PCDHA9: variants seen among roughly 807,000 people sequenced by gnomAD.
PCDHA9 encodes protocadherin alpha-9.
In PCDHA9, 62 loss-of-function variants were observed where a neutral mutation model predicts 62.0. The ratio of observed to expected loss-of-function variants is 1.00; its 90% CI spans 0.81 to 1.23. The LOEUF is 1.23. Ranked by LOEUF, PCDHA9 falls within the 50% of genes most tolerant of loss-of-function variation. PCDHA9 has a pLI of 0.00. For missense variants in PCDHA9, 1,205 were observed against 1,249.8 expected, an observed-to-expected ratio of 0.96 and a Z score of 0.54; for synonymous variants, 557 against 567.6, an observed-to-expected ratio of 0.98 and a Z score of 0.27.
chr5:140,887,196 A>T (rs180902279), intron 1 of PCDHA9, among the ~76,000 whole-genome samples: 49 of 151,316 alleles, frequency 3.2e-4, no homozygotes, highest in African/African-American at 1.1e-3. Context: ...TCCCGGGTTC[A>T]CGCCATTCTC....
intron 3 of PCDHA9, among the ~76,000 whole-genome samples, chr5:140,995,405 T>G (rs1203404732): frequency 2.6e-5 from 4 of 152,154 alleles, no homozygotes; most frequent in African/African-American, 9.7e-5. Context: ...TGGCTCGAGA[T>G]TTCATCACAT....
intron 1 of PCDHA9, among the ~76,000 whole-genome samples, chr5:140,954,516 G>C (rs782233597): frequency 3.3e-5 from 5 of 152,172 alleles, no homozygotes; most frequent in Admixed American, 6.5e-5. Flanking sequence ...TTTACCTAAT[G>C]ATCAGTGATG....
intron 3 of PCDHA9, among the ~76,000 whole-genome samples, chr5:140,987,370 A>G (rs183202119): frequency 5.2e-4 from 79 of 152,328 alleles, no homozygotes; most frequent in East Asian, 3.9e-4. Context: ...TTATATCATT[A>G]CAGGGTCAGA....
intron 1 of PCDHA9, chr5:140,967,239 G>A: frequency 1.9e-6 from 3 of 1,613,672 alleles, no homozygotes; most frequent in Non-Finnish European, 2.5e-6. Context: ...CTTCAGGTAA[G>A]CGAATCGGTG....
At chr5:140,926,788 G>A in intron 1 of PCDHA9, 26 of 1,427,398 alleles carry the variant, frequency 1.8e-5, no homozygotes, top group Non-Finnish European at 2.4e-5. Flanking sequence ...ACGGCCGGCA[G>A]GAGCGTGCTC....
chr5:140,930,985 A>G (rs2087229279), intron 1 of PCDHA9, among the ~76,000 whole-genome samples: 1 of 152,110 alleles, frequency 6.6e-6, no homozygotes, highest in Non-Finnish European at 1.5e-5. Context: ...TTTCTTCCTC[A>G]TGACCTACAC....
rs782184518 is a variant in PCDHA9 at position 140,875,731 on chromosome 5, A to G, written c.2394+24842A>G. On this transcript the variant is annotated intron_variant, in intron 1 of 3. Transcript: ENST00000532602. ...TCTGCAGAATGGCATTTTGTTTGTG[A>G]ATTCTCGGATCGACCGCGAGAAGCT... The G allele has an allele frequency of 1.2e-6, 2 of 1,614,032 alleles. No individual in the cohort carries two copies. Among genetic ancestry groups the G allele is most frequent in the African/African-American group, 2.7e-5 (2 of 74,906 alleles).
intron 1 of PCDHA9, among the ~76,000 whole-genome samples, chr5:140,942,981 G>A (rs1242135518): frequency 6.6e-6 from 1 of 152,048 alleles, no homozygotes; most frequent in Non-Finnish European, 1.5e-5. Context: ...TTGGGGCTGG[G>A]TGTGGTGGCT....
rs1554143492 is a variant in PCDHA9, at chr5:140,849,915, A to G, written c.1420A>G (p.Ile474Val). The change falls in exon 1 of 4, where the codon ATC (isoleucine) becomes GTC (valine). Residue 474 changes from isoleucine to valine, a missense_variant. Ile to Val is a conservative substitution (Grantham distance 29). Around this residue, in one of 3 missense-constraint regions of PCDHA9, gnomAD observed 887 missense variants for 809.5 expected, o/e 1.10. Transcript: ENST00000532602. ...VKENNPPGCH[I>V]FTVSARDADA... Reference sequence around the variant, plus strand: ...GGAGAACAACCCGCCGGGCTGCCACATCTTCACGGTGTCTGCGCGGGACGC... The same window carrying G: ...GGAGAACAACCCGCCGGGCTGCCACGTCTTCACGGTGTCTGCGCGGGACGC... 3 of 1,598,260 alleles carry G rather than the reference A, an allele frequency of 1.9e-6. No individual in the cohort carries two copies. The highest frequency in any genetic ancestry group is 2.6e-6 in the Non-Finnish European group (3 of 1,167,778).
chr5:140,922,131 TTATCC>T (rs2080656521), intron 1 of PCDHA9, among the ~76,000 whole-genome samples: 1 of 152,176 alleles, frequency 6.6e-6, no homozygotes, highest in South Asian at 2.1e-4. Context: ...TAAATGTCTC[TTATCC>T]TCCATGAAAC....
chr5:140,924,096 T>C (rs1044149112), intron 1 of PCDHA9, among the ~76,000 whole-genome samples: 1 of 152,222 alleles, frequency 6.6e-6, no homozygotes, highest in Non-Finnish European at 1.5e-5. Context: ...AAAGAATAAA[T>C]TTTCATTCCA....
chr5:140,856,348 G>A (rs2043945989), intron 1 of PCDHA9: 2 of 1,598,578 alleles, frequency 1.3e-6, no homozygotes, highest in Admixed American at 1.7e-5. Context: ...GGAGCGTGGA[G>A]TGCAGCATCC....
intron 1 of PCDHA9, among the ~76,000 whole-genome samples, chr5:140,855,428 G>A (rs1039152755): frequency 4.7e-5 from 7 of 149,940 alleles, no homozygotes; most frequent in African/African-American, 1.7e-4. Context: ...AAATTCTAGT[G>A]ATGACTAGAT....
chr5:140,906,438 G>T (rs1264031299), intron 1 of PCDHA9, among the ~76,000 whole-genome samples: 1 of 152,016 alleles, frequency 6.6e-6, no homozygotes, highest in Non-Finnish European at 1.5e-5. Context: ...TGATAAACAA[G>T]AAAGGAAATA....
intron 3 of PCDHA9, among the ~76,000 whole-genome samples, chr5:140,986,945 C>G (rs1295830111): frequency 1.3e-5 from 2 of 151,946 alleles, no homozygotes; most frequent in Non-Finnish European, 2.9e-5. Context: ...TGGGTGTGGT[C>G]GCTCATGCCT....
intron 3 of PCDHA9, among the ~76,000 whole-genome samples, chr5:141,008,863 C>T (rs902385521): frequency 6.6e-6 from 1 of 152,204 alleles, no homozygotes. Flanking sequence ...CTCTTCCATG[C>T]TGCATCCCAC....
In PCDHA9 at chr5:140,848,468, C is replaced by G. The variant is rs983897735; in HGVS notation, c.-28C>G. 7.1e-6 allele frequency: 11 copies of G among 1,547,824 alleles called. 2 individuals are homozygous for G. Among genetic ancestry groups the G allele is most frequent in the Non-Finnish European group, 9.6e-6 (11 of 1,140,172 alleles). On this transcript the variant is annotated 5_prime_UTR_variant, in exon 1 of 4. Transcript: ENST00000532602. The stretch of plus-strand genomic sequence containing the variant: ...TCTTCTAATTTGGAGGCAATTTTCA[C>G]TAATTAGAAGAAGACTGAGTATTTG...
chr5:140,962,569 T>A (rs782016565), intron 1 of PCDHA9, among the ~76,000 whole-genome samples: 17 of 152,194 alleles, frequency 1.1e-4, no homozygotes, highest in African/African-American at 1.7e-4. Context: ...TAAAAGCCAA[T>A]TGTTAATGCC....
At chr5:140,887,994 C>T (rs1168995086) in intron 1 of PCDHA9, among the ~76,000 whole-genome samples, 1 of 152,016 alleles carries the variant, frequency 6.6e-6, no homozygotes, top group Non-Finnish European at 1.5e-5. Flanking sequence ...ATGTCTCCAC[C>T]GAATAGTCAT....
Sources: allele counts gnomAD v4.1 joint callset (sites outside exome capture counted in the v4.1 genomes callset), GRCh38; gene constraint gnomAD v4.1.1; regional missense constraint gnomAD v4.1.1; transcripts MANE v1.5; gene names NCBI Gene and HGNC (gene_info 2026-07-23, HGNC 2026-07-21).